ADAM32: variants seen among roughly 807,000 people sequenced by gnomAD.
The protein encoded by ADAM32 is disintegrin and metalloproteinase domain-containing protein 32.
ADAM32 carries 89 observed loss-of-function variants against 114.9 expected under a neutral mutation model. That is an observed-to-expected ratio of 0.77 (90% CI 0.65 to 0.92). The LOEUF (loss-of-function observed/expected upper bound fraction) is 0.92. Among genes scored for constraint, ADAM32 ranks in the 40% least tolerant of loss-of-function variants. The pLI is 0.00. For missense variants in ADAM32, 870 were observed against 932.8 expected, an observed-to-expected ratio of 0.93 and a Z score of 0.88; for synonymous variants, 285 against 307.5, an observed-to-expected ratio of 0.93 and a Z score of 0.77.
intron 10 of ADAM32, among the ~76,000 whole-genome samples, chr8:39,179,423 C>T (rs1041338593): frequency 1.3e-5 from 2 of 152,186 alleles, no homozygotes; most frequent in African/African-American, 4.8e-5. Context: ...CTGGATTCAG[C>T]CCCCTTCCTA....
At chr8:39,223,346 A>G in intron 14 of ADAM32, 108 bp downstream of exon 14, 1 of 617,600 alleles carries the variant, frequency 1.6e-6, no homozygotes. Context: ...TTTATATAGT[A>G]TAAAATGTGG....
chr8:39,208,074 C>A (rs1344673670), intron 11 of ADAM32, among the ~76,000 whole-genome samples: 1 of 151,898 alleles, frequency 6.6e-6, no homozygotes, highest in Non-Finnish European at 1.5e-5. Flanking sequence ...TTTTTTTTTA[C>A]AGATATATAC....
chr8:39,179,722 G>A (rs925619159), intron 10 of ADAM32, among the ~76,000 whole-genome samples: 2 of 152,082 alleles, frequency 1.3e-5, no homozygotes, highest in African/African-American at 4.8e-5. Context: ...CTCCTGGGTG[G>A]GCCATCACCC....
rs370032092 is a variant in ADAM32, at chr8:39,148,526, T to A, written c.277-1265T>A. 2.8e-3 allele frequency among the ~76,000 whole-genome samples: 429 copies of A among 152,042 alleles called. 5 individuals are homozygous for A. The highest frequency in any genetic ancestry group is 9.9e-3 in the African/African-American group (410 of 41,496). The stretch of plus-strand genomic sequence containing the variant: ...TCCCATGGCAGTTATCAATACATGA[T>A]GTATCATATATATTCTATTTATTTA... On this transcript the variant is annotated intron_variant, in intron 4 of 24. Coordinates refer to ENST00000379907, the MANE Select transcript of ADAM32 (RefSeq NM_145004.7).
rs1809100558 is a variant in ADAM32, at chr8:39,223,150, T to C, written c.1437T>C (p.Asn479=). 5.6e-6 allele frequency: 9 copies of C among 1,599,566 alleles called. No individual in the cohort carries two copies. The East Asian group carries it at 1.8e-4, about 32-fold the overall frequency. Reference sequence around the variant, plus strand: ...GTGGTCCTGACATAACTTTAATCAATGGACTTTCATGCAAAAATAATAAGT... The same window carrying C: ...GTGGTCCTGACATAACTTTAATCAACGGACTTTCATGCAAAAATAATAAGT... The part of the protein sequence containing the change: ...PECGPDITLI[N]GLSCKNNKFI... Residue 479 remains asparagine, a synonymous_variant, in exon 14 of 25, where the codon AAT becomes AAC. Coordinates refer to ENST00000379907, the MANE Select transcript of ADAM32 (RefSeq NM_145004.7).
chr8:39,240,817 G>A (rs1027636282), intron 16 of ADAM32, among the ~76,000 whole-genome samples: 2 of 152,116 alleles, frequency 1.3e-5, no homozygotes, highest in South Asian at 2.1e-4. Flanking sequence ...TTTGGGTGGG[G>A]ACAGAGCCTA....
intron 12 of ADAM32, among the ~76,000 whole-genome samples, chr8:39,219,037 G>C (rs568040260): frequency 6.6e-6 from 1 of 152,082 alleles, no homozygotes; most frequent in South Asian, 2.1e-4. Flanking sequence ...TTCTGGCCAG[G>C]GTGTGTTTAG....
chr8:39,107,660 G>A, upstream of ADAM32: 1 of 1,515,762 alleles, frequency 6.6e-7, no homozygotes, highest in Non-Finnish European at 8.8e-7. Context: ...CGGGGCCTCC[G>A]GAGAACGCTG....
chr8:39,242,779 G>A (rs922317463), intron 16 of ADAM32, among the ~76,000 whole-genome samples: 1 of 152,070 alleles, frequency 6.6e-6, no homozygotes, highest in Admixed American at 6.6e-5. Context: ...AAGAAAATAA[G>A]TAACAAAGAT....
chr8:39,112,281 T>A (rs1588456573), intron 1 of ADAM32, among the ~76,000 whole-genome samples: 1 of 152,312 alleles, frequency 6.6e-6, no homozygotes, highest in East Asian at 1.9e-4. Flanking sequence ...AATTTATGTA[T>A]GTCATCTATT....
At chr8:39,134,880 G>T (rs1205582406) in intron 2 of ADAM32, among the ~76,000 whole-genome samples, 1 of 152,184 alleles carries the variant, frequency 6.6e-6, no homozygotes, top group Non-Finnish European at 1.5e-5. Context: ...ATGGGGCCTG[G>T]TGTGGTGGCT....
rs1363424683 is a variant in ADAM32, at chr8:39,107,863, C to T, written c.58+30C>T. 12 of 1,509,076 alleles carry T rather than the reference C, an allele frequency of 8.0e-6. No homozygotes were observed. The African/African-American group carries it at 1.5e-4, about 19-fold the overall frequency. The allele number at this position is 1,509,076 out of a possible 1,614,324, so 93.5% of individuals were successfully genotyped here. A position where few individuals can be genotyped will look rare whatever the true frequency, so the allele number is the denominator to read the frequency against. ...GCCAGCCCAGACCCTGACACTAGTC[C>T]GGGCGCTCGTCACACTGCGGCCCGA... On this transcript the variant is annotated intron_variant, in intron 1 of 24. Transcript: ENST00000379907.
Position 39,186,917 on chromosome 8 carries a change from G to A in ADAM32, c.924G>A (p.Lys308=), listed in dbSNP as rs542542247. 6.2e-7 allele frequency: 1 copy of A among 1,608,406 alleles called. No individual in the cohort carries two copies. The highest frequency in any genetic ancestry group is 2.2e-5 in the East Asian group (1 of 44,722). Residue 308 remains lysine (K), a synonymous_variant, in exon 11 of 25, where the codon AAG becomes AAA. Transcript: ENST00000379907. ...RYSAGVALYP[K]EITLEAFAVI... ...CTTTGTTGTTATTATAGTACCCCAA[G>A]GAGATAACTCTGGAGGCATTTGCAG...
intron 9 of ADAM32, chr8:39,165,787 G>A (rs1444027136): frequency 6.6e-6 from 1 of 152,040 alleles, no homozygotes; most frequent in East Asian, 1.9e-4. Flanking sequence ...TCTTTTGCTT[G>A]TGTGAGACTA....
chr8:39,198,700 C>T (rs955088034), intron 11 of ADAM32, among the ~76,000 whole-genome samples: 1 of 151,936 alleles, frequency 6.6e-6, no homozygotes, highest in African/African-American at 2.4e-5. Context: ...TTATTGTATA[C>T]CTTTACATTA....
chr8:39,186,378 C>G (rs1806246834), intron 10 of ADAM32, among the ~76,000 whole-genome samples: 1 of 152,158 alleles, frequency 6.6e-6, no homozygotes, highest in South Asian at 2.1e-4. Context: ...ATATAAACAG[C>G]CTAATCCAAT....
chr8:39,270,439 T>C (rs1477168369), intron 19 of ADAM32, among the ~76,000 whole-genome samples: 1 of 152,218 alleles, frequency 6.6e-6, no homozygotes, highest in African/African-American at 2.4e-5. Flanking sequence ...AAGAGTTCAC[T>C]TATAGCATCT....
chr8:39,270,643 G>T (rs1038883996), intron 19 of ADAM32, among the ~76,000 whole-genome samples: 1 of 152,174 alleles, frequency 6.6e-6, no homozygotes, highest in Non-Finnish European at 1.5e-5. Flanking sequence ...GGGTGTTTTT[G>T]ATACTCTCCT....
intron 1 of ADAM32, among the ~76,000 whole-genome samples, chr8:39,108,978 T>G (rs1451608165): frequency 1.3e-5 from 2 of 152,196 alleles, no homozygotes; most frequent in African/African-American, 4.8e-5. Context: ...ACTCTATGCC[T>G]AAAACCCTGA....
Sources: gnomAD v4.1 joint callset for allele counts (sites outside exome capture counted in the v4.1 genomes callset) on GRCh38, gnomAD v4.1.1 for gene constraint, MANE v1.5 for transcripts, NCBI Gene and HGNC (gene_info 2026-07-23, HGNC 2026-07-21) for gene names.